The following SLC67A1 variants were observed in gnomAD, a reference collection of about 807,000 sequenced individuals.
The protein encoded by SLC67A1 is solute carrier family 67 member A1.
the SLC67A1 span, chr11:2,922,612 G>A: frequency 1.3e-4 from 198 of 1,572,300 alleles, no homozygotes; most frequent in East Asian, 2.8e-3. Flanking sequence ...GGAGCTACCC[G>A]GTGGGGATGG....
At chr11:2,915,880 A>C in the SLC67A1 span, among the ~76,000 whole-genome samples, 6 of 152,216 alleles carry the variant, frequency 3.9e-5, no homozygotes, top group Non-Finnish European at 8.8e-5. Context: ...TCCCCAGGAG[A>C]CAAGACCTGC....
chr11:2,922,616 G>A, the SLC67A1 span: 4 of 1,523,886 alleles, frequency 2.6e-6, no homozygotes, highest in South Asian at 3.4e-5. Flanking sequence ...CTACCCGGTG[G>A]GGATGGGGTG....
the SLC67A1 span, among the ~76,000 whole-genome samples, chr11:2,913,029 G>A: frequency 2.6e-5 from 4 of 152,164 alleles, no homozygotes; most frequent in African/African-American, 9.7e-5. Context: ...TGTCCCATAC[G>A]ACCCAGGGCA....
chr11:2,909,327 T>C, the SLC67A1 span: 6 of 1,531,458 alleles, frequency 3.9e-6, no homozygotes, highest in Non-Finnish European at 5.2e-6. Flanking sequence ...GCCTCGCGCC[T>C]GCCCGGAGCG....
chr11:2,919,150 G>A, the SLC67A1 span: 2 of 612,418 alleles, frequency 3.3e-6, no homozygotes, highest in African/African-American at 1.9e-5. Flanking sequence ...CCAGGGAAGG[G>A]TCTCATTGGC....
the SLC67A1 span, among the ~76,000 whole-genome samples, chr11:2,915,632 G>A: frequency 1.3e-5 from 2 of 152,238 alleles, no homozygotes; most frequent in Non-Finnish European, 2.9e-5. Flanking sequence ...TTCTCAGATG[G>A]CATGCTGTCT....
chr11:2,908,361 C>A, the SLC67A1 span: 1 of 1,510,082 alleles, frequency 6.6e-7, no homozygotes, highest in Non-Finnish European at 9.1e-7. Context: ...GGGGCTCTCC[C>A]CACAGTGACC....
At chr11:2,920,209 C>A in the SLC67A1 span, 1 of 152,280 alleles carries the variant, frequency 6.6e-6, no homozygotes. Flanking sequence ...CAGGACTAGA[C>A]TAGTGCTAAA....
the SLC67A1 span, chr11:2,902,858 C>T: frequency 1.6e-6 from 1 of 614,554 alleles, no homozygotes; most frequent in Non-Finnish European, 2.1e-6. Flanking sequence ...GTGTTGGGGA[C>T]AGGGCCACTG....
At chr11:2,909,504 T>C in the SLC67A1 span, 30 of 664,070 alleles carry the variant, frequency 4.5e-5, no homozygotes, top group Admixed American at 6.8e-4. Flanking sequence ...GCGTGGCTTG[T>C]GGAGGGGCGG....
chr11:2,916,474 TC>T, the SLC67A1 span: 2 of 648,380 alleles, frequency 3.1e-6, no homozygotes, highest in Non-Finnish European at 5.5e-6. Flanking sequence ...AGGGTCCCAG[TC>T]CCCACTCTTT....
the SLC67A1 span, chr11:2,918,012 A>G: frequency 6.2e-7 from 1 of 1,613,392 alleles, no homozygotes; most frequent in Non-Finnish European, 8.5e-7. Flanking sequence ...AGTGTGTTCG[A>G]CCTGAAGGCC....
the SLC67A1 span, chr11:2,922,429 G>A: frequency 2.3e-5 from 37 of 1,609,592 alleles, no homozygotes; most frequent in Admixed American, 1.7e-4. Context: ...CCCGCCTGCC[G>A]TCCCAGGCCT....
At chr11:2,912,693 A>T in the SLC67A1 span, among the ~76,000 whole-genome samples, 1 of 152,240 alleles carries the variant, frequency 6.6e-6, no homozygotes, top group African/African-American at 2.4e-5. Context: ...CTGAGAGGCC[A>T]GGCTGGCCTG....
At chr11:2,908,997 G>A in the SLC67A1 span, among the ~76,000 whole-genome samples, 2 of 152,224 alleles carry the variant, frequency 1.3e-5, no homozygotes, top group African/African-American at 4.8e-5. Context: ...AGCTGTCTGC[G>A]CACAGCCCCA....
At chr11:2,920,563 C>G in the SLC67A1 span, 1 of 152,354 alleles carries the variant, frequency 6.6e-6, no homozygotes, top group East Asian at 1.9e-4. Flanking sequence ...ACCGTCGGGG[C>G]ACCCTCGCAG....
chr11:2,910,412 G>A, the SLC67A1 span, among the ~76,000 whole-genome samples: 1 of 152,208 alleles, frequency 6.6e-6, no homozygotes, highest in Non-Finnish European at 1.5e-5. Flanking sequence ...GGGGCTCGAT[G>A]GATGGGATCA....
chr11:2,903,708 G>A, the SLC67A1 span: 34 of 593,574 alleles, frequency 5.7e-5, no homozygotes, highest in African/African-American at 1.1e-4. Context: ...TGCCAGCCCC[G>A]GGAGAAGCCA....
At chr11:2,901,126 C>T in the SLC67A1 span, among the ~76,000 whole-genome samples, 2 of 152,160 alleles carry the variant, frequency 1.3e-5, no homozygotes, top group African/African-American at 4.8e-5. Context: ...CACTGAGAGA[C>T]AGGAGAGCAA....
Sources: gnomAD v4.1 joint callset for allele counts (sites outside exome capture counted in the v4.1 genomes callset) on GRCh38, gnomAD v4.1.1 for gene constraint, MANE v1.5 for transcripts, NCBI Gene and HGNC (gene_info 2026-07-23, HGNC 2026-07-21) for gene names.